Variants in PKP2 observed in about 807,000 individuals in gnomAD.
PKP2 encodes plakophilin 2.
Under a neutral mutation model 83.4 loss-of-function variants are expected in PKP2, and 73 were observed. The observed-to-expected ratio is 0.88, with a 90% CI of 0.72 to 1.06. The LOEUF (loss-of-function observed/expected upper bound fraction) is 1.06, where lower values mean the gene tolerates loss of function less well. PKP2 is among the 50% of genes least tolerant of loss of function. PKP2 has a pLI of 0.00. For missense variants in PKP2, 966 were observed against 1,065.4 expected, an observed-to-expected ratio of 0.91 and a Z score of 1.30; for synonymous variants, 409 against 430.4, an observed-to-expected ratio of 0.95 and a Z score of 0.62.
chr12:32,795,263 A>G (rs767412956), intron 11 of PKP2, among the ~76,000 whole-genome samples: 1 of 151,978 alleles, frequency 6.6e-6, no homozygotes, highest in East Asian at 1.9e-4. Flanking sequence ...ACCTTCTATT[A>G]TCAAAAGGGA....
chr12:32,872,489 G>T (rs938956312), intron 3 of PKP2, among the ~76,000 whole-genome samples: 1 of 152,120 alleles, frequency 6.6e-6, no homozygotes, highest in Non-Finnish European at 1.5e-5. Flanking sequence ...AGCCGAGATC[G>T]TGCCATTGCA....
In PKP2 at chr12:32,827,936, A is replaced by G. The variant is rs537872772; in HGVS notation, c.1557-3774T>C. On this transcript the variant is annotated intron_variant, in intron 6 of 12. Transcript: ENST00000340811. ...GAAAACTAAAACTGCATACTGTTAT[A>G]TACTGAAATTTAAAAACAGGTCCTT... Among the ~76,000 whole-genome samples the G allele has an allele frequency of 3.9e-5, 6 of 152,376 alleles. No homozygotes were observed. The East Asian group carries it at 9.6e-4, about 24-fold the overall frequency.
chr12:32,870,122 C>T (rs1956883614), intron 3 of PKP2, among the ~76,000 whole-genome samples: 1 of 152,186 alleles, frequency 6.6e-6, no homozygotes, highest in African/African-American at 2.4e-5. Flanking sequence ...CTGATTCATT[C>T]CAGGTAACAT....
chr12:32,812,797 C>T (rs1486184447), intron 9 of PKP2, among the ~76,000 whole-genome samples: 1 of 152,196 alleles, frequency 6.6e-6, no homozygotes, highest in African/African-American at 2.4e-5. Context: ...AGCCACCGTG[C>T]CTGGCCATTA....
At chr12:32,851,087 A>G (rs1240655548) in intron 4 of PKP2, 114 bp from the exon 5 acceptor site, 1 of 837,062 alleles carries the variant, frequency 1.2e-6, no homozygotes, top group Non-Finnish European at 2.0e-6. Context: ...TTTCTTCATC[A>G]ACAACTATGT....
chr12:32,896,006 A>G (rs1257109324), intron 1 of PKP2, among the ~76,000 whole-genome samples: 1 of 152,234 alleles, frequency 6.6e-6, no homozygotes, highest in Non-Finnish European at 1.5e-5. Context: ...ATAAGACAGC[A>G]CAATCCCAAT....
chr12:32,865,339 C>T (rs1011641902), intron 4 of PKP2, among the ~76,000 whole-genome samples: 2 of 142,086 alleles, frequency 1.4e-5, no homozygotes, highest in African/African-American at 5.4e-5. Context: ...CATGCCACTG[C>T]ACTCCAGCAT....
intron 4 of PKP2, among the ~76,000 whole-genome samples, chr12:32,855,997 G>A (rs1956744511): frequency 6.6e-6 from 1 of 151,974 alleles, no homozygotes; most frequent in South Asian, 2.1e-4. Flanking sequence ...AGCTACATAT[G>A]CAATTTGATT....
rs759353036 is a variant in PKP2, at chr12:32,821,521, C to G, written c.1848G>C (p.Gln616His). ...TCTTTTCCTCCGGCATCGGCACGTC[C>G]TGGTATTGCTGACCACACACAAAAG... ...SRSRKVKEQY[Q>H]DVPMPEEKSN... is the part of the protein sequence containing the mutation. The change falls in exon 9 of 13, where the codon CAG becomes CAC. Residue 616 changes from glutamine to histidine, a missense_variant. Coordinates refer to ENST00000340811, the MANE Select transcript of PKP2 (RefSeq NM_001005242.3). 6.2e-7 allele frequency: 1 copy of G among 1,614,048 alleles called. No homozygotes were observed. Among genetic ancestry groups the G allele is most frequent in the Non-Finnish European group, 8.5e-7 (1 of 1,179,984 alleles).
chr12:32,866,613 T>C (rs1034842632), intron 4 of PKP2, among the ~76,000 whole-genome samples: 11 of 110,106 alleles, frequency 1.0e-4, no homozygotes, highest in African/African-American at 4.1e-4. Context: ...GAAATGCAAA[T>C]TAAAACCACA....
chr12:32,878,408 T>C lies in PKP2; in HGVS notation c.472A>G (p.Arg158Gly). Residue 158 changes from arginine (R) to glycine (G), a missense_variant, in exon 3 of 13, where the codon AGG becomes GGG. Transcript: ENST00000340811. ...LEISPDSSPE[R>G]AHYTHSDYQY... ...TAATCGCTGTGCGTGTAGTGAGCCCTCTCCGGGCTGCTGTCAGGAGAAATC... is the reference window on the plus strand; with the variant it reads ...TAATCGCTGTGCGTGTAGTGAGCCCCCTCCGGGCTGCTGTCAGGAGAAATC... 1 of 1,613,916 alleles carries C rather than the reference T, an allele frequency of 6.2e-7. No individual in the cohort carries two copies. Among genetic ancestry groups the C allele is most frequent in the South Asian group, 1.1e-5 (1 of 91,084 alleles).
chr12:32,880,228 G>A (rs576245462), intron 1 of PKP2, among the ~76,000 whole-genome samples: 33 of 151,698 alleles, frequency 2.2e-4, no homozygotes, highest in African/African-American at 6.8e-4. Context: ...TGGTGAAACC[G>A]GTCTCTCCTA....
intron 4 of PKP2, among the ~76,000 whole-genome samples, chr12:32,853,889 T>C (rs767911790): frequency 6.6e-5 from 10 of 152,262 alleles, no homozygotes; most frequent in Non-Finnish European, 1.3e-4. Context: ...TATATACCCG[T>C]GTCTTCTGGG....
intron 3 of PKP2, among the ~76,000 whole-genome samples, chr12:32,875,158 G>A (rs900966013): frequency 6.6e-6 from 1 of 152,134 alleles, no homozygotes; most frequent in Non-Finnish European, 1.5e-5. Flanking sequence ...AGGGAGAACA[G>A]ATAAGCAAAT....
chr12:32,796,285 G>C lies in PKP2; in HGVS notation c.2181C>G (p.Leu727=). ...CAGGAATGATGGAAACCAAATCAGGGAGAGTTTCTTTGGCTACAAAATGAA... is the reference window on the plus strand; with the variant it reads ...CAGGAATGATGGAAACCAAATCAGGCAGAGTTTCTTTGGCTACAAAATGAA... ...SLQNEIAKET[L]PDLVSIIPDT... Residue 727 remains leucine, a synonymous_variant, in exon 11 of 13, where the codon CTC becomes CTG. Transcript: ENST00000340811. 6.2e-7 allele frequency: 1 copy of C among 1,610,826 alleles called. No homozygotes were observed. Among genetic ancestry groups the C allele is most frequent in the South Asian group, 1.1e-5 (1 of 90,926 alleles).
intron 4 of PKP2, among the ~76,000 whole-genome samples, chr12:32,859,413 C>T (rs1956780281): frequency 6.6e-6 from 1 of 151,866 alleles, no homozygotes. Flanking sequence ...TCTATAAAAG[C>T]GTTTATTTTA....
intron 4 of PKP2, among the ~76,000 whole-genome samples, chr12:32,867,112 G>C (rs1305574977): frequency 2.0e-5 from 3 of 152,148 alleles, no homozygotes; most frequent in African/African-American, 7.2e-5. Flanking sequence ...AGGACTGCTT[G>C]AGCCAGGTGT....
At chr12:32,871,130 C>G (rs1456863188) in intron 3 of PKP2, among the ~76,000 whole-genome samples, 1 of 151,960 alleles carries the variant, frequency 6.6e-6, no homozygotes, top group African/African-American at 2.4e-5. Context: ...TTTTCCTCCC[C>G]CTCCTTGGAT....
intron 7 of PKP2, among the ~76,000 whole-genome samples, chr12:32,823,814 G>T (rs1245605098): frequency 1.3e-5 from 2 of 151,964 alleles, no homozygotes; most frequent in African/African-American, 4.8e-5. Flanking sequence ...TGTTATCCAG[G>T]ATGGTCTCAA....
Sources: gnomAD v4.1 joint callset for allele counts (sites outside exome capture counted in the v4.1 genomes callset) on GRCh38, gnomAD v4.1.1 for gene constraint, MANE v1.5 for transcripts, NCBI Gene and HGNC (gene_info 2026-07-23, HGNC 2026-07-21) for gene names.